The following CHAF1A variants were observed in gnomAD, a reference collection of about 807,000 sequenced individuals.
CHAF1A encodes CAF-1 subunit A.
CHAF1A carries 5 observed loss-of-function variants against 93.2 expected under a neutral mutation model. That is an observed-to-expected ratio of 0.05 (90% CI 0.03 to 0.11). The LOEUF is 0.11. Among genes scored for constraint, CHAF1A ranks in the 10% least tolerant of loss-of-function variants. The pLI, the probability that CHAF1A is intolerant of heterozygous loss-of-function variation, is 1.00. For missense variants in CHAF1A, 1,102 were observed against 1,259.9 expected, an observed-to-expected ratio of 0.87 and a Z score of 1.90; for synonymous variants, 504 against 510.3, an observed-to-expected ratio of 0.99 and a Z score of 0.17.
At chr19:4,448,723 AGAACTCGACCTCAGTGCTGAGATCC>A, downstream of CHAF1A, 1 of 397,564 alleles carries the variant, frequency 2.5e-6, no homozygotes, top group South Asian at 2.6e-5. Flanking sequence ...CTCTGGCTTT[AGAACTCGACCTCAGTGCTGAGATCC>A]ATCAAGGCCA....
At chr19:4,446,691 G>T, downstream of CHAF1A, 1 of 1,610,914 alleles carries the variant, frequency 6.2e-7, no homozygotes, top group Non-Finnish European at 8.5e-7. Flanking sequence ...AGGTGGTCTC[G>T]CTCAGCACGT....
At chr19:4,445,350 C>T, downstream of CHAF1A, 1 of 1,380,340 alleles carries the variant, frequency 7.2e-7, no homozygotes, top group South Asian at 1.4e-5. Flanking sequence ...GGGCCCAATT[C>T]CACAGCTCCA....
chr19:4,424,807 G>T (rs530723585), intron 7 of CHAF1A, among the ~76,000 whole-genome samples: 1 of 152,196 alleles, frequency 6.6e-6, no homozygotes, highest in East Asian at 1.9e-4. Flanking sequence ...GCTAATTTTT[G>T]TATTTTTAGT....
Position 4,430,662 on chromosome 19 carries a change from G to A in CHAF1A, c.1947+21G>A, listed in dbSNP as rs745992940. On this transcript the variant is annotated intron_variant, in intron 11 of 14. Coordinates refer to ENST00000301280, the MANE Select transcript of CHAF1A (RefSeq NM_005483.3). ...CAGAGGTGAGGGAGTGAAGGGGGAG[G>A]TCACCGGCTCAGCAAAAGTTCATTT... is the stretch of plus-strand genomic sequence containing the variant. 3 of 1,610,690 alleles carry A rather than the reference G, an allele frequency of 1.9e-6. No individual in the cohort carries two copies. In the South Asian group the frequency reaches 3.3e-5, roughly 18 times the overall value.
downstream of CHAF1A, chr19:4,446,554 G>A: frequency 1.2e-6 from 2 of 1,612,372 alleles, no homozygotes; most frequent in African/African-American, 1.3e-5. Flanking sequence ...GAAGTCCCCA[G>A]GCAGTTCGAA....
chr19:4,429,156 C>T (rs1300744477), intron 8 of CHAF1A: 2 of 593,988 alleles, frequency 3.4e-6, no homozygotes, highest in African/African-American at 3.7e-5. Flanking sequence ...CCCCCCAACA[C>T]CTCGCTCTTG....
chr19:4,409,688 G>A lies in CHAF1A; in HGVS notation c.889G>A (p.Glu297Lys), dbSNP rs143513152. The change falls in exon 3 of 15, where the codon GAG becomes AAG. Residue 297 changes from glutamate (E) to lysine (K), a missense_variant. Transcript: ENST00000301280. ...CTCTCCCTCTTCCACCAGCTCGCCC[G>A]AGGGGCCGCCTGCTCCCCCAAAGCA... is the stretch of plus-strand genomic sequence containing the variant. ...LSSPSSTSSP[E>K]GPPAPPKQHS... 5.5e-5 allele frequency: 89 copies of A among 1,613,972 alleles called. 1 individual carries two copies. In the African/African-American group the frequency reaches 8.8e-4, roughly 16 times the overall value.
At chr19:4,409,914 C>G (rs539925116) in intron 3 of CHAF1A, among the ~76,000 whole-genome samples, 155 bp downstream of exon 3, 1 of 152,206 alleles carries the variant, frequency 6.6e-6, no homozygotes, top group Non-Finnish European at 1.5e-5. Flanking sequence ...GGTATCAAAA[C>G]TCACAGTGTT....
At chr19:4,440,696 C>T (rs1974370897) in intron 13 of CHAF1A, among the ~76,000 whole-genome samples, 1 of 152,038 alleles carries the variant, frequency 6.6e-6, no homozygotes, top group Non-Finnish European at 1.5e-5. Flanking sequence ...GATGGACAGC[C>T]TGCCACACGC....
intron 13 of CHAF1A, 37 bp from the exon 14 acceptor site, chr19:4,442,208 C>T: frequency 6.3e-7 from 1 of 1,578,124 alleles, no homozygotes. Flanking sequence ...GTGGCTGCTG[C>T]CTGCAGTGCT....
chr19:4,423,727 TG>T (rs1568435965), intron 6 of CHAF1A, 78 bp from the exon 7 acceptor site: 1 of 1,387,640 alleles, frequency 7.2e-7, no homozygotes, highest in Non-Finnish European at 1.0e-6. Flanking sequence ...CGTTCGGTTC[TG>T]GGGGCCTTTG....
chr19:4,430,217 A>G, intron 10 of CHAF1A: 1 of 345,460 alleles, frequency 2.9e-6, no homozygotes, highest in Non-Finnish European at 5.5e-6. Flanking sequence ...TCACTCTATC[A>G]CTCAGGCTGG....
chr19:4,413,738 C>T (rs2267943), intron 3 of CHAF1A, among the ~76,000 whole-genome samples: 53,869 of 151,982 alleles, frequency 0.35, 10,020 homozygotes, highest in Non-Finnish European at 0.42. Context: ...TTGCAGGGAG[C>T]TTCATGGCGT....
intron 10 of CHAF1A, 174 bp downstream of exon 10, chr19:4,429,962 C>G: frequency 1.7e-6 from 1 of 601,748 alleles, no homozygotes; most frequent in Non-Finnish European, 2.9e-6. Context: ...TCCAGCTTCT[C>G]TCGAAAAATC....
At chr19:4,405,820 C>T (rs1973670831) in intron 1 of CHAF1A, 92 bp from the exon 2 acceptor site, 1 of 1,148,212 alleles carries the variant, frequency 8.7e-7, no homozygotes, top group Non-Finnish European at 1.3e-6. Flanking sequence ...AGAATTGCCT[C>T]CACCTTGTAC....
intron 11 of CHAF1A, 45 bp downstream of exon 11, chr19:4,430,686 T>C (rs766249603): frequency 6.2e-6 from 10 of 1,607,606 alleles, no homozygotes; most frequent in Non-Finnish European, 8.5e-6. Flanking sequence ...AAAAGTTCAT[T>C]TCTGGACTGG....
chr19:4,440,483 C>T (rs1243319833), intron 13 of CHAF1A, among the ~76,000 whole-genome samples: 2 of 151,412 alleles, frequency 1.3e-5, no homozygotes, highest in Non-Finnish European at 2.9e-5. Flanking sequence ...ATGGCGGGTG[C>T]CTGTAGTCCC....
intron 10 of CHAF1A, 176 bp downstream of exon 10, chr19:4,429,964 C>G: frequency 1.7e-6 from 1 of 599,882 alleles, no homozygotes; most frequent in Non-Finnish European, 2.9e-6. Flanking sequence ...CAGCTTCTCT[C>G]GAAAAATCTC....
In CHAF1A at chr19:4,402,701, G is replaced by A. The variant is rs1490979837; in HGVS notation, c.-62G>A. The A allele has an allele frequency of 9.3e-7, 1 of 1,077,964 alleles. No homozygotes were observed. The highest frequency in any genetic ancestry group is 1.2e-6 in the Non-Finnish European group (1 of 858,092). The allele number at this position is 1,077,964 out of a possible 1,614,324, so 66.8% of individuals were successfully genotyped here. The stretch of plus-strand genomic sequence containing the variant: ...CGCGGGCGGGAGGGCGAAGAGCAGC[G>A]GCCGCCTGAGGGGAGCCCGCGCCTC... On this transcript the variant is annotated 5_prime_UTR_variant, in exon 1 of 15. Coordinates refer to ENST00000301280, the MANE Select transcript of CHAF1A (RefSeq NM_005483.3).
Sources: allele counts gnomAD v4.1 joint callset (sites outside exome capture counted in the v4.1 genomes callset), GRCh38; gene constraint gnomAD v4.1.1; transcripts MANE v1.5; gene names NCBI Gene and HGNC (gene_info 2026-07-23, HGNC 2026-07-21).